ZNF618: variants seen among roughly 807,000 people sequenced by gnomAD.
ZNF618 encodes zinc finger protein 618.
In ZNF618, 34 loss-of-function variants were observed where a neutral mutation model predicts 103.0. The observed-to-expected ratio is 0.33, with a 90% CI of 0.25 to 0.44. The LOEUF (loss-of-function observed/expected upper bound fraction) is 0.44. Ranked by LOEUF, ZNF618 falls within the 20% of genes least tolerant of loss-of-function variation. The probability of loss-of-function intolerance (pLI) is 1.00; values close to 1 mark genes in which losing one functional copy is unlikely to be tolerated. For synonymous variants in ZNF618, 551 were observed against 542.2 expected, an observed-to-expected ratio of 1.02 and a Z score of -0.23; for missense variants, 1,059 against 1,295.4, an observed-to-expected ratio of 0.82 and a Z score of 2.80.
At chr9:113,902,147 C>G (rs953559786) in intron 1 of ZNF618, among the ~76,000 whole-genome samples, 1 of 152,100 alleles carries the variant, frequency 6.6e-6, no homozygotes, top group Non-Finnish European at 1.5e-5. Context: ...GTTCGCCAGC[C>G]TGGATTCAAG....
intron 1 of ZNF618, among the ~76,000 whole-genome samples, chr9:113,928,429 T>G (rs1833285460): frequency 6.6e-6 from 1 of 152,254 alleles, no homozygotes; most frequent in Non-Finnish European, 1.5e-5. Context: ...TGATGTCTGC[T>G]GTCTCTCTTC....
chr9:113,973,538 C>T (rs552257303), intron 2 of ZNF618, among the ~76,000 whole-genome samples: 1 of 152,262 alleles, frequency 6.6e-6, no homozygotes, highest in African/African-American at 2.4e-5. Context: ...GTTTACTTCC[C>T]TGTAACCCAA....
At chr9:113,907,834 G>A (rs761545005) in intron 1 of ZNF618, among the ~76,000 whole-genome samples, 1 of 152,174 alleles carries the variant, frequency 6.6e-6, no homozygotes. Flanking sequence ...CTTTCCTTCC[G>A]ATGGGGTTGT....
chr9:114,000,155 G>A (rs10817550), intron 4 of ZNF618, among the ~76,000 whole-genome samples: 36,577 of 152,038 alleles, frequency 0.24, 5,413 homozygotes, highest in Middle Eastern at 0.39. Context: ...GGATGACAGC[G>A]GCCCTTGGAG....
chr9:113,988,196 G>A, intron 2 of ZNF618, 125 bp from the exon 3 acceptor site: 1 of 1,316,610 alleles, frequency 7.6e-7, no homozygotes, highest in Non-Finnish European at 1.0e-6. Flanking sequence ...GGGAGGCTAA[G>A]GGGGCCGGGG....
chr9:113,940,122 CAA>C (rs34493466), intron 1 of ZNF618, among the ~76,000 whole-genome samples: 51 of 149,550 alleles, frequency 3.4e-4, no homozygotes, highest in Non-Finnish European at 4.9e-4. Flanking sequence ...TTTAATTTCT[CAA>C]AAAAAAAAAT....
chr9:114,023,771 C>G (rs901681502), intron 10 of ZNF618, among the ~76,000 whole-genome samples: 1 of 151,924 alleles, frequency 6.6e-6, no homozygotes, highest in Non-Finnish European at 1.5e-5. Context: ...TTAAAAATGT[C>G]ATTCCTTTGT....
At chr9:114,017,708 A>T (rs187570959) in intron 10 of ZNF618, among the ~76,000 whole-genome samples, 2 of 152,206 alleles carry the variant, frequency 1.3e-5, no homozygotes, top group Admixed American at 6.5e-5. Context: ...TGTGGATGGG[A>T]AGACTTTGGT....
intron 13 of ZNF618, among the ~76,000 whole-genome samples, chr9:114,042,618 C>G (rs1414593488): frequency 6.6e-6 from 1 of 152,164 alleles, no homozygotes; most frequent in Non-Finnish European, 1.5e-5. Context: ...TGTTTGAGGC[C>G]AGGAGTTTGA....
At chr9:113,907,598 A>T (rs1477990096) in intron 1 of ZNF618, among the ~76,000 whole-genome samples, 1 of 152,148 alleles carries the variant, frequency 6.6e-6, no homozygotes, top group African/African-American at 2.4e-5. Flanking sequence ...GGACACCTCC[A>T]CACCACCTCT....
Position 113,916,448 on chromosome 9 carries a change from A to G in ZNF618, c.33+40035A>G, listed in dbSNP as rs116419845. On this transcript the variant is annotated intron_variant, in intron 1 of 14. Transcript: ENST00000374126. Reference sequence around the variant, plus strand: ...AAAACTGATTTCAGTTTGACCCCTCATAAGCTTCTCTTGCAGTTAGGAAAT... The same window carrying G: ...AAAACTGATTTCAGTTTGACCCCTCGTAAGCTTCTCTTGCAGTTAGGAAAT... Among the ~76,000 whole-genome samples the G allele has an allele frequency of 2.0e-3, 307 of 152,296 alleles. 1 individual carries two copies. Among genetic ancestry groups the G allele is most frequent in the African/African-American group, 7.1e-3 (295 of 41,576 alleles).
At chr9:113,927,542 G>T (rs901404410) in intron 1 of ZNF618, among the ~76,000 whole-genome samples, 21 of 152,234 alleles carry the variant, frequency 1.4e-4, no homozygotes, top group Admixed American at 1.2e-3. Flanking sequence ...GTGCCCCTGT[G>T]TCGTGACCTT....
At chr9:113,912,513 G>A (rs1831645594) in intron 1 of ZNF618, among the ~76,000 whole-genome samples, 1 of 152,206 alleles carries the variant, frequency 6.6e-6, no homozygotes. Context: ...TAAGCAGGCA[G>A]CAGGCACAGC....
intron 1 of ZNF618, among the ~76,000 whole-genome samples, chr9:113,931,240 T>C (rs573331679): frequency 3.9e-5 from 6 of 152,346 alleles, no homozygotes; most frequent in Admixed American, 3.3e-4. Context: ...ACACCTGCTG[T>C]GTACTCAGCA....
chr9:114,008,633 CAGGGG>C, intron 9 of ZNF618, 79 bp downstream of exon 9: 2 of 1,536,318 alleles, frequency 1.3e-6, no homozygotes, highest in Non-Finnish European at 8.9e-7. Flanking sequence ...ACTGCTAGGG[CAGGGG>C]TAGCAGTGGG....
At chr9:113,884,239 C>G (rs539985589) in intron 1 of ZNF618, among the ~76,000 whole-genome samples, 2 of 152,286 alleles carry the variant, frequency 1.3e-5, no homozygotes, top group African/African-American at 2.4e-5. Flanking sequence ...TTTGACATTT[C>G]CAAGGGTAGA....
At chr9:113,891,035 T>C (rs570985936) in intron 1 of ZNF618, among the ~76,000 whole-genome samples, 3 of 152,340 alleles carry the variant, frequency 2.0e-5, no homozygotes, top group African/African-American at 4.8e-5. Context: ...TCCATTTTTT[T>C]CCCCAGACTT....
At chr9:113,990,415 A>T (rs1031847521) in intron 3 of ZNF618, among the ~76,000 whole-genome samples, 1 of 152,152 alleles carries the variant, frequency 6.6e-6, no homozygotes, top group Non-Finnish European at 1.5e-5. Context: ...GGGAGTGGTA[A>T]TGTTGACACT....
At chr9:113,922,350 G>A (rs147516631) in intron 1 of ZNF618, among the ~76,000 whole-genome samples, 5 of 152,312 alleles carry the variant, frequency 3.3e-5, no homozygotes, top group African/African-American at 1.2e-4. Context: ...ACGGGGCAGA[G>A]GGAAGATAAG....
Sources: allele counts gnomAD v4.1 joint callset (sites outside exome capture counted in the v4.1 genomes callset), GRCh38; gene constraint gnomAD v4.1.1; transcripts MANE v1.5; gene names NCBI Gene and HGNC (gene_info 2026-07-23, HGNC 2026-07-21).